PAFAH1B2: variants seen among roughly 807,000 people sequenced by gnomAD.
PAFAH1B2 encodes the protein platelet activating factor acetylhydrolase 1b catalytic subunit 2.
In PAFAH1B2, 8 loss-of-function variants were observed where a neutral mutation model predicts 28.0. That is an observed-to-expected ratio of 0.29 (90% CI 0.17 to 0.52). The LOEUF (loss-of-function observed/expected upper bound fraction) is 0.52, where lower values mean the gene tolerates loss of function less well. Among genes scored for constraint, PAFAH1B2 ranks in the 20% least tolerant of loss-of-function variants. The probability of loss-of-function intolerance (pLI) is 0.97; values close to 1 mark genes in which losing one functional copy is unlikely to be tolerated. For synonymous variants in PAFAH1B2, 104 were observed against 103.2 expected, an observed-to-expected ratio of 1.01 and a Z score of -0.05; for missense variants, 190 against 282.6, an observed-to-expected ratio of 0.67 and a Z score of 2.35.
At chr11:117,163,156 A>C (rs545049899) in intron 4 of PAFAH1B2, among the ~76,000 whole-genome samples, 1 of 151,878 alleles carries the variant, frequency 6.6e-6, no homozygotes, top group Non-Finnish European at 1.5e-5. Flanking sequence ...ATATGATAGG[A>C]GGCATAAATC....
chr11:117,172,424 T>G (rs1287859811), downstream of PAFAH1B2, among the ~76,000 whole-genome samples: 5 of 83,262 alleles, frequency 6.0e-5, 1 homozygote, highest in Non-Finnish European at 1.2e-4. Flanking sequence ...TTTTTTTTTT[T>G]TTTTTACATT....
intron 5 of PAFAH1B2, among the ~76,000 whole-genome samples, chr11:117,165,180 C>T (rs1956477037): frequency 6.6e-6 from 1 of 151,626 alleles, no homozygotes. Context: ...TCTCGATCTC[C>T]TGACCTCGTG....
At chr11:117,174,851 A>C (rs962112123), downstream of PAFAH1B2, 1 of 1,302,700 alleles carries the variant, frequency 7.7e-7, no homozygotes, top group Non-Finnish European at 1.0e-6. Context: ...CTGACTTCAG[A>C]TGATCCAACC....
Position 117,170,884 on chromosome 11 carries a change from TC to T in PAFAH1B2, c.*3190del. On this transcript the variant is annotated 3_prime_UTR_variant, in exon 6 of 6. Transcript: ENST00000527958. Reference sequence around the variant, plus strand: ...TGAAAGGAGGCTTTTTGGAGAGGGGTCCCCCAGGTTTCTTGGTGTTCCTGCT... The same window carrying T: ...TGAAAGGAGGCTTTTTGGAGAGGGGTCCCCAGGTTTCTTGGTGTTCCTGCT... 9.4e-7 allele frequency: 1 copy of T among 1,060,262 alleles called. No individual in the cohort carries two copies. The highest frequency in any genetic ancestry group is 1.1e-6 in the Non-Finnish European group (1 of 876,102). The allele number at this position is 1,060,262 out of a possible 1,614,324, so 65.7% of individuals were successfully genotyped here.
chr11:117,170,277 T>G lies in PAFAH1B2; in HGVS notation c.*2578T>G. 9.4e-7 allele frequency: 1 copy of G among 1,062,608 alleles called. No individual in the cohort carries two copies. The allele number at this position is 1,062,608 out of a possible 1,614,324, so 65.8% of individuals were successfully genotyped here. Reference sequence around the variant, plus strand: ...GTCATTGTGATTAAGGGGCCAACTTTCCAGGCAGCTAGCAGAGATACTATT... The same window carrying G: ...GTCATTGTGATTAAGGGGCCAACTTGCCAGGCAGCTAGCAGAGATACTATT... On this transcript the variant is annotated 3_prime_UTR_variant, in exon 6 of 6. Transcript: ENST00000527958.
chr11:117,153,065 AAAAC>A (rs1169562391), intron 2 of PAFAH1B2, among the ~76,000 whole-genome samples: 2 of 152,276 alleles, frequency 1.3e-5, no homozygotes, highest in East Asian at 1.9e-4. Context: ...ACTGCATCTC[AAAAC>A]AAACAAAAAA....
chr11:117,171,739 A>G (rs78428934), downstream of PAFAH1B2: 13 of 1,535,642 alleles, frequency 8.5e-6, no homozygotes, highest in South Asian at 2.4e-5. Context: ...CAGGCCAGCA[A>G]TATTACAGTG....
intron 2 of PAFAH1B2, among the ~76,000 whole-genome samples, chr11:117,159,002 C>T (rs766324212): frequency 1.3e-5 from 2 of 152,150 alleles, no homozygotes; most frequent in Non-Finnish European, 2.9e-5. Context: ...GGTGAAGAAT[C>T]ATAATGTTTG....
chr11:117,158,392 T>C (rs965435462), intron 2 of PAFAH1B2, among the ~76,000 whole-genome samples: 13 of 151,776 alleles, frequency 8.6e-5, no homozygotes, highest in Admixed American at 3.3e-4. Context: ...AAAGAGGCAC[T>C]CTGGGCGGAG....
At chr11:117,162,437 C>T (rs534030473) in intron 4 of PAFAH1B2, among the ~76,000 whole-genome samples, 2 of 137,550 alleles carry the variant, frequency 1.5e-5, no homozygotes, top group African/African-American at 5.4e-5. Context: ...AGCTACCATG[C>T]GAGACTGTGA....
chr11:117,162,132 T>G (rs1956387707), intron 4 of PAFAH1B2, among the ~76,000 whole-genome samples: 1 of 152,118 alleles, frequency 6.6e-6, no homozygotes, highest in Admixed American at 6.6e-5. Context: ...AAAACGTGCT[T>G]TCATTGAAAG....
chr11:117,174,254 G>A (rs889508596), downstream of PAFAH1B2, among the ~76,000 whole-genome samples: 7 of 148,666 alleles, frequency 4.7e-5, no homozygotes, highest in African/African-American at 4.9e-5. Context: ...GCCTGTGGTC[G>A]CACACTGCAA....
chr11:117,166,075 G>A (rs1431570734), intron 5 of PAFAH1B2, among the ~76,000 whole-genome samples: 6 of 151,994 alleles, frequency 3.9e-5, no homozygotes, highest in Admixed American at 3.9e-4. Context: ...TCCTGACCTC[G>A]TTCGTGATCT....
At chr11:117,150,276 T>C (rs564447474) in intron 1 of PAFAH1B2, among the ~76,000 whole-genome samples, 1 of 152,204 alleles carries the variant, frequency 6.6e-6, no homozygotes, top group African/African-American at 2.4e-5. Context: ...GTCTCCTGAG[T>C]AGCTGCAGCT....
downstream of PAFAH1B2, chr11:117,171,522 C>T (rs10750103): frequency 0.5 from 291,827 of 579,914 alleles, 80,629 homozygotes; most frequent in Non-Finnish European, 0.61. Flanking sequence ...GGCAACAGAG[C>T]GAGACTCTTG....
intron 4 of PAFAH1B2, among the ~76,000 whole-genome samples, chr11:117,162,342 T>C (rs1370331552): frequency 6.6e-6 from 1 of 152,144 alleles, no homozygotes; most frequent in East Asian, 1.9e-4. Context: ...GGTCTTGTTA[T>C]GTTGCCTAGG....
intron 3 of PAFAH1B2, 38 bp downstream of exon 3, chr11:117,160,061 C>A: frequency 7.6e-7 from 1 of 1,311,122 alleles, no homozygotes; most frequent in South Asian, 1.2e-5. Flanking sequence ...CTTGGCTACT[C>A]ATGTATATCC....
At chr11:117,161,860 A>G (rs904168154) in intron 4 of PAFAH1B2, among the ~76,000 whole-genome samples, 1 of 152,068 alleles carries the variant, frequency 6.6e-6, no homozygotes, top group African/African-American at 2.4e-5. Flanking sequence ...GAATGCATAG[A>G]TCTCGGGCAG....
At chr11:117,153,330 C>T (rs988175838) in intron 2 of PAFAH1B2, among the ~76,000 whole-genome samples, 17 of 151,908 alleles carry the variant, frequency 1.1e-4, no homozygotes, top group African/African-American at 2.7e-4. Flanking sequence ...AACATTTTAC[C>T]GTATCTGCCT....
Sources: gnomAD v4.1 joint callset for allele counts (sites outside exome capture counted in the v4.1 genomes callset) on GRCh38, gnomAD v4.1.1 for gene constraint, MANE v1.5 for transcripts, NCBI Gene and HGNC (gene_info 2026-07-23, HGNC 2026-07-21) for gene names.